CNTNAP2: variants seen among roughly 807,000 people sequenced by gnomAD.
CNTNAP2 encodes the protein contactin-associated protein-like 2.
In CNTNAP2, 98 loss-of-function variants were observed where a neutral mutation model predicts 155.2. That is an observed-to-expected ratio of 0.63 (90% CI 0.54 to 0.75). CNTNAP2 has a LOEUF of 0.75. Among genes scored for constraint, CNTNAP2 ranks in the 30% least tolerant of loss-of-function variants. The probability of loss-of-function intolerance (pLI) is 0.00; values close to 1 mark genes in which losing one functional copy is unlikely to be tolerated. For missense variants in CNTNAP2, 1,727 were observed against 1,688.1 expected, an observed-to-expected ratio of 1.02 and a Z score of -0.40; for synonymous variants, 651 against 631.2, an observed-to-expected ratio of 1.03 and a Z score of -0.47.
At chr7:146,877,587 CATAT>C (rs1266556045) in intron 3 of CNTNAP2, among the ~76,000 whole-genome samples, 1 of 150,084 alleles carries the variant, frequency 6.7e-6, no homozygotes, top group Non-Finnish European at 1.5e-5. Context: ...TATATGTATA[CATAT>C]ATACATATGT....
At chr7:146,558,399 G>A (rs1422736896) in intron 1 of CNTNAP2, among the ~76,000 whole-genome samples, 1 of 152,016 alleles carries the variant, frequency 6.6e-6, no homozygotes, top group Non-Finnish European at 1.5e-5. Flanking sequence ...AACGACATCT[G>A]GCATGTACTT....
Position 146,436,455 on chromosome 7 carries a change from A to AT in CNTNAP2, c.97+319485dup, listed in dbSNP as rs541098970. Among the ~76,000 whole-genome samples, 105 of 152,328 alleles carry AT rather than the reference A, an allele frequency of 6.9e-4. 2 individuals are homozygous for AT. The South Asian group carries it at 0.02, about 29-fold the overall frequency. On this transcript the variant is annotated intron_variant, in intron 1 of 23. Coordinates refer to ENST00000361727, the MANE Select transcript of CNTNAP2 (RefSeq NM_014141.6). ...ATGTCTGTGTTGACATATTTTCCAAATTTAATATAAAACAAAACTATTTCA... is the reference window on the plus strand; with the variant it reads ...ATGTCTGTGTTGACATATTTTCCAAATTTTAATATAAAACAAAACTATTTCA...
intron 12 of CNTNAP2, among the ~76,000 whole-genome samples, chr7:147,631,459 T>C (rs1795083635): frequency 6.6e-6 from 1 of 152,074 alleles, no homozygotes; most frequent in African/African-American, 2.4e-5. Context: ...TCAATATTCT[T>C]CACAGAACTA....
chr7:148,013,760 G>A (rs1022951936), intron 15 of CNTNAP2, among the ~76,000 whole-genome samples: 2 of 152,132 alleles, frequency 1.3e-5, no homozygotes, highest in Non-Finnish European at 2.9e-5. Context: ...GTACACAAGT[G>A]TGCCTGATGT....
chr7:147,781,905 C>T lies in CNTNAP2; in HGVS notation c.2099-121660C>T, dbSNP rs553701068. Among the ~76,000 whole-genome samples the T allele has an allele frequency of 1.7e-3, 258 of 152,134 alleles. 1 individual carries two copies. Among genetic ancestry groups the T allele is most frequent in the Middle Eastern group, 3.4e-3 (1 of 294 alleles). On this transcript the variant is annotated intron_variant, in intron 13 of 23. Transcript: ENST00000361727. ...GGGCGTGGCGGCGGGCGCCTGTAGT[C>T]CCAGCTACTCGGGAGGCTGAGGCAG...
chr7:148,301,326 T>TATATATATATATATA (rs1280693837), intron 21 of CNTNAP2, among the ~76,000 whole-genome samples: 2 of 138,016 alleles, frequency 1.4e-5, no homozygotes, highest in African/African-American at 2.6e-5. Flanking sequence ...TATATATAGG[T>TATATATATATATATA]TAAAATGTCC....
chr7:146,494,340 A>AAAAT (rs1383330302), intron 1 of CNTNAP2, among the ~76,000 whole-genome samples: 1 of 151,048 alleles, frequency 6.6e-6, no homozygotes, highest in Middle Eastern at 3.4e-3. Context: ...TGTCTCAAAA[A>AAAAT]AAATAAATAA....
chr7:147,512,019 G>T (rs188365017), intron 11 of CNTNAP2, among the ~76,000 whole-genome samples: 2 of 152,260 alleles, frequency 1.3e-5, no homozygotes, highest in Non-Finnish European at 2.9e-5. Flanking sequence ...AAGCATAATA[G>T]TAGACAGCAT....
At chr7:147,849,625 A>G (rs1000420804) in intron 13 of CNTNAP2, among the ~76,000 whole-genome samples, 16 of 152,226 alleles carry the variant, frequency 1.1e-4, no homozygotes, top group Admixed American at 2.0e-4. Context: ...ACATGCAAAG[A>G]AACCTCTTCC....
chr7:147,925,203 G>GA (rs1563137247), intron 14 of CNTNAP2, among the ~76,000 whole-genome samples: 51 of 149,276 alleles, frequency 3.4e-4, no homozygotes, highest in African/African-American at 1.2e-3. Flanking sequence ...AGGAAGGAAG[G>GA]AAGGAAAGAA....
intron 1 of CNTNAP2, among the ~76,000 whole-genome samples, chr7:146,535,581 A>G (rs1180534752): frequency 6.7e-6 from 1 of 150,068 alleles, no homozygotes; most frequent in Non-Finnish European, 1.5e-5. Context: ...TGTAATTGAC[A>G]ATTGTATAAA....
chr7:147,157,202 A>G (rs999123591), intron 8 of CNTNAP2, among the ~76,000 whole-genome samples: 2 of 152,104 alleles, frequency 1.3e-5, no homozygotes. Context: ...AATATACTGA[A>G]TGCATGATGC....
chr7:146,259,573 C>A (rs1799889743), intron 1 of CNTNAP2, among the ~76,000 whole-genome samples: 1 of 152,208 alleles, frequency 6.6e-6, no homozygotes, highest in East Asian at 1.9e-4. Flanking sequence ...GCATTTTGCC[C>A]CTGCCCTAGA....
chr7:146,739,281 C>A (rs551526470), intron 1 of CNTNAP2, among the ~76,000 whole-genome samples: 2 of 151,886 alleles, frequency 1.3e-5, no homozygotes, highest in African/African-American at 4.8e-5. Context: ...TATAAAACTT[C>A]TTAGAATGGA....
chr7:147,065,838 A>G (rs1477410834), intron 4 of CNTNAP2, among the ~76,000 whole-genome samples: 3 of 152,168 alleles, frequency 2.0e-5, no homozygotes, highest in Non-Finnish European at 4.4e-5. Context: ...AAAAATCATT[A>G]GAAATATATT....
intron 3 of CNTNAP2, among the ~76,000 whole-genome samples, chr7:146,994,627 A>G (rs1243796256): frequency 1.3e-5 from 2 of 152,124 alleles, no homozygotes; most frequent in African/African-American, 4.8e-5. Flanking sequence ...GTTTTCCTCT[A>G]TCCCAAGAAT....
chr7:148,225,122 T>C (rs1795822992), intron 19 of CNTNAP2, among the ~76,000 whole-genome samples: 1 of 152,228 alleles, frequency 6.6e-6, no homozygotes, highest in Admixed American at 6.5e-5. Context: ...GGAATAGTCA[T>C]AAAGAATAGA....
chr7:146,548,424 A>G (rs1798062817), intron 1 of CNTNAP2, among the ~76,000 whole-genome samples: 1 of 152,060 alleles, frequency 6.6e-6, no homozygotes, highest in Non-Finnish European at 1.5e-5. Context: ...GCTGCAAAGA[A>G]TATACACTTT....
At chr7:148,083,345 G>A (rs1803652904) in intron 15 of CNTNAP2, among the ~76,000 whole-genome samples, 1 of 152,190 alleles carries the variant, frequency 6.6e-6, no homozygotes, top group Non-Finnish European at 1.5e-5. Context: ...CAGAGTGGGG[G>A]GCAGTGGGTT....
Sources: allele counts gnomAD v4.1 joint callset (sites outside exome capture counted in the v4.1 genomes callset), GRCh38; gene constraint gnomAD v4.1.1; transcripts MANE v1.5; gene names NCBI Gene and HGNC (gene_info 2026-07-23, HGNC 2026-07-21).